The following SCAF4 variants were observed in gnomAD, a reference collection of about 807,000 sequenced individuals.
SCAF4 encodes SR-related CTD associated factor 4.
In SCAF4, 25 loss-of-function variants were observed where a neutral mutation model predicts 129.8. The ratio of observed to expected loss-of-function variants is 0.19; its 90% CI spans 0.14 to 0.27. SCAF4 has a LOEUF of 0.27. Ranked by LOEUF, SCAF4 falls within the 10% of genes least tolerant of loss-of-function variation. The pLI, the probability that SCAF4 is intolerant of heterozygous loss-of-function variation, is 1.00. For synonymous variants in SCAF4, 551 were observed against 497.7 expected (o/e 1.11, Z -1.43); for missense variants, 1,246 against 1,457.1 (o/e 0.86, Z 2.36).
chr21:31,696,288 A>G, intron 8 of SCAF4, 67 bp from the exon 9 acceptor site: 2 of 1,210,178 alleles, frequency 1.7e-6, no homozygotes, highest in Non-Finnish European at 2.4e-6. Flanking sequence ...CTTAAATTAC[A>G]GAAACAGAGT....
At chr21:31,729,676 G>T (rs568454405) in intron 1 of SCAF4, among the ~76,000 whole-genome samples, 8 of 152,190 alleles carry the variant, frequency 5.3e-5, no homozygotes, top group Non-Finnish European at 1.0e-4. Flanking sequence ...TTCTCTAGAG[G>T]AGTTTTAATT....
chr21:31,716,443 A>G (rs1353621838), intron 1 of SCAF4, among the ~76,000 whole-genome samples: 1 of 152,140 alleles, frequency 6.6e-6, no homozygotes, highest in Admixed American at 6.5e-5. Flanking sequence ...GCAAATATCA[A>G]AGCATTTAGT....
intron 19 of SCAF4, among the ~76,000 whole-genome samples, chr21:31,678,339 T>G (rs1039987986): frequency 1.3e-5 from 2 of 152,198 alleles, no homozygotes; most frequent in African/African-American, 4.8e-5. Context: ...TTAAGTAATA[T>G]GGCAATTCTG....
Position 31,706,350 on chromosome 21 carries a change from G to A in SCAF4, c.38C>T (p.Ser13Leu), listed in dbSNP as rs2050661790. Residue 13 changes from serine (S) to leucine (L), a missense_variant, in exon 2 of 20, where the codon TCG becomes TTG. Around this residue, in one of 6 missense-constraint regions of SCAF4, gnomAD observed 56 missense variants for 139.4 expected, o/e 0.40. Transcript: ENST00000286835. ...GATGGGAGGTTTCATATCCATAAGCGAAAAGAGCTTAAAAGACAAAAAACA... is the reference window on the plus strand; with the variant it reads ...GATGGGAGGTTTCATATCCATAAGCAAAAAGAGCTTAAAAGACAAAAAACA... ...AVNAFNQELF[S>L]LMDMKPPISR... 6.2e-7 allele frequency: 1 copy of A among 1,603,356 alleles called. No homozygotes were observed. Among genetic ancestry groups the A allele is most frequent in the Non-Finnish European group, 8.5e-7 (1 of 1,174,238 alleles).
Position 31,671,093 on chromosome 21 carries a change from TACC to T in SCAF4, c.*303_*305del, listed in dbSNP as rs1281139104. The stretch of plus-strand genomic sequence containing the variant: ...TATTGTTTTGAGGAGCTTTCACCGT[TACC>T]TTGTCTTAAATTAAAAAAAAAAAAA... On this transcript the variant is annotated 3_prime_UTR_variant, in exon 20 of 20. Coordinates refer to ENST00000286835, the MANE Select transcript of SCAF4 (RefSeq NM_020706.2). 3.9e-6 allele frequency: 1 copy of T among 254,196 alleles called. No homozygotes were observed. The highest frequency in any genetic ancestry group is 8.1e-5 in the East Asian group (1 of 12,380). 15.7% of individuals were successfully genotyped at this position (254,196 alleles called of 1,614,324 possible). A position where few individuals can be genotyped will look rare whatever the true frequency, so the allele number is the denominator to read the frequency against.
intron 18 of SCAF4, 46 bp from the exon 19 acceptor site, chr21:31,685,286 A>T (rs750282848): frequency 1.3e-6 from 2 of 1,513,122 alleles, no homozygotes; most frequent in Non-Finnish European, 1.8e-6. Context: ...ATAATTAATT[A>T]TCTCCCGGTC....
intron 1 of SCAF4, among the ~76,000 whole-genome samples, chr21:31,723,609 G>GTTTTGTGTGTGTGT (rs112184778): frequency 6.2e-4 from 90 of 146,126 alleles, no homozygotes; most frequent in African/African-American, 2.1e-3. Flanking sequence ...TGATTTATAT[G>GTTTTGTGTGTGTGT]ATGTGTGTGT....
Position 31,694,281 on chromosome 21 carries a change from T to C in SCAF4, c.1245A>G (p.Glu415=). The C allele has an allele frequency of 6.3e-7, 1 of 1,594,586 alleles. No homozygotes were observed. The change falls in exon 11 of 20, where the codon GAA becomes GAG. Residue 415 remains glutamate, a synonymous_variant. Transcript: ENST00000286835. ...LTQKPHQQEM[E]VEQPCIQEVK... ...CCTCTTGAATACAAGGTTGTTCTAC[T>C]TCCATTTCCTTAAAAAACAAAAACC...
chr21:31,698,327 A>G (rs986715353), intron 7 of SCAF4, among the ~76,000 whole-genome samples: 2 of 152,202 alleles, frequency 1.3e-5, no homozygotes, highest in Non-Finnish European at 2.9e-5. Flanking sequence ...TTCTAAACTT[A>G]TGGGCCAGTC....
At chr21:31,681,174 T>C (rs1401851110) in intron 19 of SCAF4, among the ~76,000 whole-genome samples, 2 of 152,250 alleles carry the variant, frequency 1.3e-5, no homozygotes, top group Non-Finnish European at 2.9e-5. Flanking sequence ...TTATAAATTT[T>C]ACCATCAGCT....
rs762266483 is a variant in SCAF4 at position 31,690,814 on chromosome 21, C to T, written c.1868G>A (p.Ser623Asn). Reference protein sequence around the residue: ...ESFCEGGMLDSDTLNPDWKGI... With the variant: ...ESFCEGGMLDNDTLNPDWKGI... ...TGCTTTACCTGGGTTAAGTGTGTCA[C>T]TGTCCAACATTCCTCCTTCACAAAA... Residue 623 changes from serine to asparagine, a missense_variant, in exon 15 of 20, where the codon AGT becomes AAT. This residue lies in a region of SCAF4 where 468 missense variants were observed against 605.5 expected (regional missense o/e 0.77). Coordinates refer to ENST00000286835, the MANE Select transcript of SCAF4 (RefSeq NM_020706.2). 5 of 1,613,074 alleles carry T rather than the reference C, an allele frequency of 3.1e-6. No homozygotes were observed. The highest frequency in any genetic ancestry group is 4.2e-6 in the Non-Finnish European group (5 of 1,179,626).
At chr21:31,702,508 GAA>G (rs60360895) in intron 4 of SCAF4, 129 bp from the exon 5 acceptor site, 17 of 627,268 alleles carry the variant, frequency 2.7e-5, no homozygotes, top group Admixed American at 3.8e-5. Context: ...CATAAACAAG[GAA>G]AAAAAAAAAT....
chr21:31,728,503 G>C (rs1457322162), intron 1 of SCAF4, among the ~76,000 whole-genome samples: 1 of 152,156 alleles, frequency 6.6e-6, no homozygotes, highest in Non-Finnish European at 1.5e-5. Context: ...AAATTGGAGA[G>C]ATCCCAATTC....
intron 1 of SCAF4, among the ~76,000 whole-genome samples, chr21:31,722,352 A>G (rs1601277077): frequency 6.6e-6 from 1 of 152,138 alleles, no homozygotes; most frequent in Non-Finnish European, 1.5e-5. Context: ...ACCTATATAC[A>G]TTCCTCTGTT....
Position 31,685,719 on chromosome 21 carries a change from T to A in SCAF4, c.2058A>T (p.Gln686His). 4 of 1,601,000 alleles carry A rather than the reference T, an allele frequency of 2.5e-6. No homozygotes were observed. The East Asian group carries it at 6.7e-5, about 27-fold the overall frequency. ...TVPPPQVPPH[Q>H]PGPPVVGALQ... Reference sequence around the variant, plus strand: ...GAGCACCAACTACAGGTGGACCCGGTTGATGTGGTGGGACCTAGAAAGAAA... The same window carrying A: ...GAGCACCAACTACAGGTGGACCCGGATGATGTGGTGGGACCTAGAAAGAAA... Residue 686 changes from glutamine (Q) to histidine (H), a missense_variant, in exon 17 of 20, where the codon CAA becomes CAT. Gln to His is a conservative substitution (Grantham distance 24). This residue lies in a region of SCAF4 where 468 missense variants were observed against 605.5 expected (regional missense o/e 0.77). Transcript: ENST00000286835.
At chr21:31,684,288 T>C (rs569006749) in intron 19 of SCAF4, 16 of 153,342 alleles carry the variant, frequency 1.0e-4, no homozygotes, top group African/African-American at 3.6e-4. Context: ...TAATTATATT[T>C]GGCAATACCA....
chr21:31,705,328 G>T, intron 3 of SCAF4, 95 bp downstream of exon 3: 1 of 593,224 alleles, frequency 1.7e-6, no homozygotes, highest in Non-Finnish European at 2.9e-6. Context: ...AAATTTTTAT[G>T]AAGTGGTTTA....
chr21:31,725,075 A>G (rs777303594), intron 1 of SCAF4, among the ~76,000 whole-genome samples: 2 of 152,190 alleles, frequency 1.3e-5, no homozygotes, highest in Non-Finnish European at 2.9e-5. Context: ...CCAACTTTCA[A>G]CATTCAAAAA....
At chr21:31,707,095 G>C (rs923729217) in intron 1 of SCAF4, among the ~76,000 whole-genome samples, 2 of 152,074 alleles carry the variant, frequency 1.3e-5, no homozygotes, top group Non-Finnish European at 2.9e-5. Context: ...ACAGAGTGTG[G>C]GATGTTGTAT....
Sources: gnomAD v4.1 joint callset for allele counts (sites outside exome capture counted in the v4.1 genomes callset) on GRCh38, gnomAD v4.1.1 for gene constraint, gnomAD v4.1.1 regional missense constraint, MANE v1.5 for transcripts, NCBI Gene and HGNC (gene_info 2026-07-23, HGNC 2026-07-21) for gene names.